The following NBAS variants were observed in gnomAD, a reference collection of about 807,000 sequenced individuals.
NBAS encodes the protein NBAS subunit of NRZ tethering complex.
In NBAS, 219 loss-of-function variants were observed where a neutral mutation model predicts 302.5. The ratio of observed to expected loss-of-function variants is 0.72; its 90% CI spans 0.65 to 0.81. NBAS has a LOEUF of 0.81. Ranked by LOEUF, NBAS falls within the 30% of genes least tolerant of loss-of-function variation. NBAS has a pLI of 0.00. For synonymous variants in NBAS, 1,118 were observed against 1,021.6 expected, an observed-to-expected ratio of 1.09 and a Z score of -1.80; for missense variants, 2,932 against 2,841.6, an observed-to-expected ratio of 1.03 and a Z score of -0.72.
chr2:15,287,005 AAG>A lies in NBAS; in HGVS notation c.5138+66_5138+67del, dbSNP rs1670070599. The A allele has an allele frequency of 3.4e-5, 43 of 1,276,672 alleles. No homozygotes were observed. In the South Asian group the frequency reaches 5.1e-4, roughly 15 times the overall value. The allele number at this position is 1,276,672 out of a possible 1,614,324, so 79.1% of individuals were successfully genotyped here. ...TAAAATTGTACTTTACAACTTCTTC[AAG>A]AGTCTTCAAAAATAGACTCTAAAGA... On this transcript the variant is annotated intron_variant, in intron 42 of 51. Transcript: ENST00000281513.
chr2:15,511,778 A>G (rs1662155720), intron 9 of NBAS, among the ~76,000 whole-genome samples: 1 of 152,206 alleles, frequency 6.6e-6, no homozygotes, highest in African/African-American at 2.4e-5. Flanking sequence ...GAGAGACTGA[A>G]TGGGAAAGAA....
At chr2:14,925,086 T>A in the NBAS span, among the ~76,000 whole-genome samples, 1,552 of 152,316 alleles carry the variant, frequency 0.01, 12 homozygotes, top group Non-Finnish European at 0.018. Context: ...AAATTACAGG[T>A]GTGTTCCCCA....
the NBAS span, among the ~76,000 whole-genome samples, chr2:14,802,847 C>T: frequency 7.6e-6 from 1 of 130,930 alleles, no homozygotes; most frequent in Non-Finnish European, 1.6e-5. Context: ...AATGAGATCA[C>T]ATGGACACAG....
At chr2:15,073,492 TA>T in the NBAS span, among the ~76,000 whole-genome samples, 1 of 142,988 alleles carries the variant, frequency 7.0e-6, no homozygotes, top group Non-Finnish European at 1.5e-5. Context: ...AAAAAAAAAA[TA>T]AAAAATAAAA....
At chr2:15,514,505 T>C (rs902879364) in intron 9 of NBAS, among the ~76,000 whole-genome samples, 2 of 152,132 alleles carry the variant, frequency 1.3e-5, no homozygotes, top group African/African-American at 4.8e-5. Flanking sequence ...GAACCTCTAT[T>C]TGAAAACAAT....
At chr2:15,082,318 T>C in the NBAS span, among the ~76,000 whole-genome samples, 3 of 152,208 alleles carry the variant, frequency 2.0e-5, no homozygotes, top group Non-Finnish European at 2.9e-5. Context: ...GGAGTCACTA[T>C]AATGAGCTGA....
chr2:15,086,563 C>T, the NBAS span, among the ~76,000 whole-genome samples: 3 of 152,210 alleles, frequency 2.0e-5, no homozygotes, highest in African/African-American at 7.2e-5. Context: ...GACCTGTGAG[C>T]TTCCCAAGTT....
At chr2:15,385,443 T>A (rs6733519) in intron 28 of NBAS, among the ~76,000 whole-genome samples, 2,511 of 152,132 alleles carry the variant, frequency 0.017, 45 homozygotes, top group East Asian at 0.06. Context: ...CATGGCTAGC[T>A]GTAAGTACAG....
intron 51 of NBAS, among the ~76,000 whole-genome samples, chr2:15,167,947 G>A (rs558698394): frequency 6.6e-6 from 1 of 152,276 alleles, no homozygotes; most frequent in East Asian, 1.9e-4. Flanking sequence ...CAACAGTGGG[G>A]TTTTAAACTA....
At chr2:14,793,569 G>A in the NBAS span, among the ~76,000 whole-genome samples, 1 of 151,956 alleles carries the variant, frequency 6.6e-6, no homozygotes, top group Non-Finnish European at 1.5e-5. Context: ...GTATATGTGG[G>A]GCAATTATGA....
chr2:15,128,653 A>T, the NBAS span, among the ~76,000 whole-genome samples: 1,441 of 152,288 alleles, frequency 9.5e-3, 22 homozygotes, highest in African/African-American at 0.032. Context: ...AGGAGGCTGC[A>T]GGGGAAATGT....
intron 44 of NBAS, among the ~76,000 whole-genome samples, chr2:15,263,166 G>A (rs1668926577): frequency 6.6e-6 from 1 of 152,046 alleles, no homozygotes; most frequent in African/African-American, 2.4e-5. Context: ...CTTGAGACAG[G>A]GTCTCACTCT....
chr2:15,036,482 A>G, the NBAS span, among the ~76,000 whole-genome samples: 20 of 152,286 alleles, frequency 1.3e-4, no homozygotes, highest in Admixed American at 2.6e-4. Flanking sequence ...TAATATGACA[A>G]TGTAAAATTC....
Position 15,474,254 on chromosome 2 carries a change from T to C in NBAS, c.1412A>G (p.Glu471Gly), listed in dbSNP as rs1288730319. 1 of 1,613,924 alleles carries C rather than the reference T, an allele frequency of 6.2e-7. No individual in the cohort carries two copies. Among genetic ancestry groups the C allele is most frequent in the African/African-American group, 1.3e-5 (1 of 74,938 alleles). The change falls in exon 15 of 52, where the codon GAG becomes GGG. Residue 471 changes from glutamate (E) to glycine (G), a missense_variant. Transcript: ENST00000281513. The part of the protein sequence containing the change: ...TRAGEEDEGE[E>G]DSDSDYEISA... ...TATTTCATAATCAGAATCAGAATCC[T>C]CTTCTCCTTCATCTTCTTCTCCAGC...
the NBAS span, among the ~76,000 whole-genome samples, chr2:15,156,751 T>C: frequency 6.6e-6 from 1 of 152,212 alleles, no homozygotes; most frequent in African/African-American, 2.4e-5. Context: ...AAAGCTAAAC[T>C]GGACTGTGAA....
intron 22 of NBAS, among the ~76,000 whole-genome samples, chr2:15,425,818 T>C (rs1677443999): frequency 1.3e-5 from 2 of 152,200 alleles, no homozygotes; most frequent in South Asian, 2.1e-4. Flanking sequence ...TCTGCATATT[T>C]ATTTCCTCCT....
At chr2:14,992,393 C>G in the NBAS span, among the ~76,000 whole-genome samples, 220 of 152,254 alleles carry the variant, frequency 1.4e-3, no homozygotes, top group Middle Eastern at 6.8e-3. Flanking sequence ...GGGTATCTGA[C>G]AAGGGGAACC....
At chr2:15,066,096 C>T in the NBAS span, among the ~76,000 whole-genome samples, 2 of 151,810 alleles carry the variant, frequency 1.3e-5, no homozygotes, top group Non-Finnish European at 2.9e-5. Flanking sequence ...CAGTCAATTG[C>T]TCTTTGACAA....
At chr2:15,317,005 A>T (rs1478039280) in intron 38 of NBAS, among the ~76,000 whole-genome samples, 3 of 152,074 alleles carry the variant, frequency 2.0e-5, no homozygotes, top group Non-Finnish European at 1.5e-5. Context: ...AGGGGGTGCC[A>T]CTCTGGGATG....
Sources: allele counts gnomAD v4.1 joint callset (sites outside exome capture counted in the v4.1 genomes callset), GRCh38; gene constraint gnomAD v4.1.1; transcripts MANE v1.5; gene names NCBI Gene and HGNC (gene_info 2026-07-23, HGNC 2026-07-21).